The following ATP13A5 variants were observed in gnomAD, a reference collection of about 807,000 sequenced individuals.
The protein encoded by ATP13A5 is ATPase 13A5.
ATP13A5 carries 149 observed loss-of-function variants against 150.2 expected under a neutral mutation model. That is an observed-to-expected ratio of 0.99 (90% CI 0.87 to 1.14). The LOEUF (loss-of-function observed/expected upper bound fraction) is 1.14. ATP13A5 is among the 50% of genes most tolerant of loss of function. The probability of loss-of-function intolerance (pLI) is 0.00; values close to 1 mark genes in which losing one functional copy is unlikely to be tolerated. For synonymous variants in ATP13A5, 497 were observed against 522.2 expected, an observed-to-expected ratio of 0.95 and a Z score of 0.66; for missense variants, 1,383 against 1,449.3, an observed-to-expected ratio of 0.95 and a Z score of 0.74.
chr3:193,339,540 G>A lies in ATP13A5; in HGVS notation c.943+4387C>T, dbSNP rs113764631. Among the ~76,000 whole-genome samples, 831 of 152,240 alleles carry A rather than the reference G, an allele frequency of 5.5e-3. 11 individuals are homozygous for A. Among genetic ancestry groups the A allele is most frequent in the Non-Finnish European group, 0.01 (695 of 67,998 alleles). On this transcript the variant is annotated intron_variant, in intron 9 of 29. Coordinates refer to ENST00000342358, the MANE Select transcript of ATP13A5 (RefSeq NM_198505.4). Reference sequence around the variant, plus strand: ...TTTCTGCTGTGATGTATTTTTACATGCTAAGGTGTAAGAAGCTATAAAATT... The same window carrying A: ...TTTCTGCTGTGATGTATTTTTACATACTAAGGTGTAAGAAGCTATAAAATT...
At chr3:193,281,649 T>G (rs1340066372) in intron 27 of ATP13A5, among the ~76,000 whole-genome samples, 4 of 152,204 alleles carry the variant, frequency 2.6e-5, no homozygotes, top group Admixed American at 6.5e-5. Flanking sequence ...TTCTGTTACA[T>G]CAAAATAAAG....
chr3:193,292,801 G>T (rs778927056), intron 25 of ATP13A5, among the ~76,000 whole-genome samples: 3 of 152,038 alleles, frequency 2.0e-5, no homozygotes, highest in Non-Finnish European at 4.4e-5. Flanking sequence ...GAGTTTTGGG[G>T]GTGGGTTGTT....
chr3:193,325,026 G>C lies in ATP13A5; in HGVS notation c.1524-12C>G, dbSNP rs774845166. The C allele has an allele frequency of 6.2e-7, 1 of 1,607,092 alleles. No homozygotes were observed. ...GGGCTTCCTGGAAGCTGGTAGAGAA[G>C]GTAATGTTAAAGTCTTTGATAAAAT... On this transcript the variant is annotated splice_polypyrimidine_tract_variant and intron_variant, in intron 13 of 29. Transcript: ENST00000342358.
chr3:193,347,191 T>C (rs937081562), intron 7 of ATP13A5, among the ~76,000 whole-genome samples: 1 of 152,206 alleles, frequency 6.6e-6, no homozygotes, highest in East Asian at 1.9e-4. Flanking sequence ...GTATATAAAA[T>C]GGCTCAAATC....
chr3:193,363,978 T>C (rs1175234073), intron 2 of ATP13A5, 129 bp downstream of exon 2: 2 of 1,031,576 alleles, frequency 1.9e-6, no homozygotes, highest in Admixed American at 2.4e-5. Flanking sequence ...CCTGTTTTGA[T>C]CTATGGAAAC....
chr3:193,373,428 GC>G (rs879572588), intron 1 of ATP13A5, among the ~76,000 whole-genome samples: 1 of 143,688 alleles, frequency 7.0e-6, no homozygotes, highest in Non-Finnish European at 1.5e-5. Flanking sequence ...ACAGGCGTGA[GC>G]CACCGCGCCC....
At chr3:193,341,702 G>A (rs1246381106) in intron 9 of ATP13A5, among the ~76,000 whole-genome samples, 1 of 152,064 alleles carries the variant, frequency 6.6e-6, no homozygotes, top group Non-Finnish European at 1.5e-5. Flanking sequence ...TAACTGATGG[G>A]GACAACTGTC....
At chr3:193,323,087 G>A (rs1719342139) in intron 14 of ATP13A5, 1 of 153,086 alleles carries the variant, frequency 6.5e-6, no homozygotes, top group Non-Finnish European at 1.5e-5. Flanking sequence ...TATTACAACA[G>A]AAGTTAATAC....
At chr3:193,330,977 T>C in intron 12 of ATP13A5, 146 bp downstream of exon 12, 2 of 727,530 alleles carry the variant, frequency 2.7e-6, no homozygotes, top group Non-Finnish European at 2.2e-6. Context: ...AATGTGATCT[T>C]GCACTAGCTC....
At chr3:193,364,066 A>G (rs1377221952) in intron 2 of ATP13A5, 41 bp downstream of exon 2, 1 of 1,600,746 alleles carries the variant, frequency 6.2e-7, no homozygotes, top group African/African-American at 1.3e-5. Context: ...TACAGAAGAC[A>G]CGATCATGGC....
intron 10 of ATP13A5, 113 bp from the exon 11 acceptor site, chr3:193,334,020 T>A: frequency 1.1e-6 from 1 of 921,540 alleles, no homozygotes; most frequent in Non-Finnish European, 1.6e-6. Flanking sequence ...ACCTTCTACC[T>A]AATCATTTTA....
intron 27 of ATP13A5, among the ~76,000 whole-genome samples, chr3:193,279,976 TAAAAAAAAAAAAAA>T (rs57617984): frequency 1.7e-5 from 1 of 59,890 alleles, no homozygotes; most frequent in Admixed American, 3.0e-4. Flanking sequence ...GTGTCTTTGT[TAAAAAAAAAAAAAA>T]AAAAAAAAAA....
At chr3:193,307,411 T>C (rs1718660338) in intron 21 of ATP13A5, 42 bp from the exon 22 acceptor site, 3 of 1,607,030 alleles carry the variant, frequency 1.9e-6, no homozygotes, top group Non-Finnish European at 8.5e-7. Flanking sequence ...GTAAGAAAAA[T>C]GAACAGCTCA....
intron 5 of ATP13A5, among the ~76,000 whole-genome samples, chr3:193,359,305 T>C (rs76420759): frequency 0.01 from 1,589 of 152,254 alleles, 4 homozygotes; most frequent in Middle Eastern, 0.041. Flanking sequence ...TCACGGTATA[T>C]AAGCATGGTT....
rs1180055193 is a variant in ATP13A5 at position 193,378,744 on chromosome 3, G to C, written c.-19C>G. On this transcript the variant is annotated 5_prime_UTR_variant, in exon 1 of 30. It adds an upstream start codon to the 5' untranslated region. Coordinates refer to ENST00000342358, the MANE Select transcript of ATP13A5 (RefSeq NM_198505.4). ...CTTCCATCTGAACTCAACCGGCGAG[G>C]ATCTCTTCTGGCTAACTCCTTGGAG... is the stretch of plus-strand genomic sequence containing the variant. The C allele has an allele frequency of 6.2e-7, 1 of 1,608,710 alleles. No homozygotes were observed.
intron 17 of ATP13A5, among the ~76,000 whole-genome samples, chr3:193,315,441 G>A (rs2108856098): frequency 6.6e-6 from 1 of 152,184 alleles, no homozygotes; most frequent in East Asian, 1.9e-4. Flanking sequence ...TTTTGAGCTT[G>A]CAATCGTTTC....
At chr3:193,362,532 A>G in intron 4 of ATP13A5, 35 bp downstream of exon 4, 1 of 1,612,986 alleles carries the variant, frequency 6.2e-7, no homozygotes, top group South Asian at 1.1e-5. Context: ...TTTCCCCTAT[A>G]TCCTGACCAA....
intron 26 of ATP13A5, among the ~76,000 whole-genome samples, chr3:193,288,514 A>G (rs542710083): frequency 2.6e-4 from 40 of 152,280 alleles, no homozygotes; most frequent in African/African-American, 9.1e-4. Context: ...AGAATTTTTT[A>G]GCAATAAATT....
At position 193,275,008 on chromosome 3, in the gene ATP13A5, C is replaced by G. The variant is rs754145568; in HGVS notation, c.*34G>C. On this transcript the variant is annotated 3_prime_UTR_variant, in exon 30 of 30. Coordinates refer to ENST00000342358, the MANE Select transcript of ATP13A5 (RefSeq NM_198505.4). Reference sequence around the variant, plus strand: ...AATGTGTTAATTTTGGGGAAAAAAGCAATGCTGTTGAGCATGTACGACGAC... The same window carrying G: ...AATGTGTTAATTTTGGGGAAAAAAGGAATGCTGTTGAGCATGTACGACGAC... 6 of 1,607,508 alleles carry G rather than the reference C, an allele frequency of 3.7e-6. No homozygotes were observed. In the East Asian group the frequency reaches 1.3e-4, roughly 36 times the overall value.
Sources: allele counts gnomAD v4.1 joint callset (sites outside exome capture counted in the v4.1 genomes callset), GRCh38; gene constraint gnomAD v4.1.1; transcripts MANE v1.5; gene names NCBI Gene and HGNC (gene_info 2026-07-23, HGNC 2026-07-21).